Variants in CLTCL1 observed in about 807,000 individuals in gnomAD.
CLTCL1 encodes the protein clathrin heavy chain 2.
A neutral mutation model predicts 190.0 loss-of-function variants in CLTCL1; 159 were observed. The observed-to-expected ratio is 0.84, with a 90% CI of 0.74 to 0.95. CLTCL1 has a LOEUF of 0.95. Among genes scored for constraint, CLTCL1 ranks in the 40% least tolerant of loss-of-function variants. The pLI, the probability that CLTCL1 is intolerant of heterozygous loss-of-function variation, is 0.00. For missense variants in CLTCL1, 1,878 were observed against 2,033.4 expected, an observed-to-expected ratio of 0.92 and a Z score of 1.47; for synonymous variants, 752 against 769.6, an observed-to-expected ratio of 0.98 and a Z score of 0.38.
chr22:19,215,999 G>T, intron 19 of CLTCL1, 112 bp downstream of exon 19: 1 of 1,015,056 alleles, frequency 9.9e-7, no homozygotes, highest in Non-Finnish European at 1.4e-6. Context: ...CTGGGGAGCA[G>T]CCAATGGGCA....
chr22:19,254,200 ATAT>A lies in CLTCL1; in HGVS notation c.275_277del (p.Asn92del). On this transcript the variant is annotated inframe_deletion, in exon 3 of 33. Coordinates refer to ENST00000427926, the MANE Select transcript of CLTCL1 (RefSeq NM_007098.4). ...AGCCTTCATTTTACTCTTCATCTCA[ATAT>A]TAAAGATCTGAAGTGTCTTCCCAGC... is the stretch of plus-strand genomic sequence containing the variant. 1 of 1,613,274 alleles carries A rather than the reference ATAT, an allele frequency of 6.2e-7. No homozygotes were observed. The highest frequency in any genetic ancestry group is 1.1e-5 in the South Asian group (1 of 91,066).
At chr22:19,184,619 C>T (rs1555927460) in intron 29 of CLTCL1, 2 of 453,458 alleles carry the variant, frequency 4.4e-6, no homozygotes, top group Non-Finnish European at 8.9e-6. Flanking sequence ...GTGACGCCCG[C>T]TCATCTGTCT....
Position 19,221,441 on chromosome 22 carries a change from T to C in CLTCL1, c.2732A>G (p.Lys911Arg). ...DSSVVGRYCE[K>R]RDPHLACVAY... ...AACACAGGCCAGATGGGGGTCTCGCTTCTCACAGTAGCGGCCCACCACGCT... is the reference window on the plus strand; with the variant it reads ...AACACAGGCCAGATGGGGGTCTCGCCTCTCACAGTAGCGGCCCACCACGCT... Residue 911 changes from lysine to arginine, a missense_variant, in exon 17 of 33, where the codon AAG becomes AGG. Physicochemically the swap from Lys to Arg is conservative, Grantham distance 26. Coordinates refer to ENST00000427926, the MANE Select transcript of CLTCL1 (RefSeq NM_007098.4). The C allele has an allele frequency of 1.9e-6, 3 of 1,572,534 alleles. No individual in the cohort carries two copies. In the South Asian group the frequency reaches 3.5e-5, roughly 18 times the overall value.
intron 11 of CLTCL1, among the ~76,000 whole-genome samples, chr22:19,227,191 C>G (rs1352948839): frequency 6.6e-6 from 1 of 151,630 alleles, no homozygotes; most frequent in African/African-American, 2.4e-5. Flanking sequence ...GACTTCTCTA[C>G]TAGGCTAAAT....
intron 3 of CLTCL1, among the ~76,000 whole-genome samples, chr22:19,245,493 C>A (rs1165134405): frequency 5.9e-5 from 9 of 151,932 alleles, no homozygotes; most frequent in Admixed American, 3.9e-4. Flanking sequence ...CACCTGGCTT[C>A]CCCTCCCCTT....
At chr22:19,275,530 C>T (rs782120651) in intron 2 of CLTCL1, 93 bp downstream of exon 2, 11 of 1,313,256 alleles carry the variant, frequency 8.4e-6, no homozygotes, top group Admixed American at 4.1e-5. Flanking sequence ...AGGAGCACTT[C>T]GCCATGAGCT....
In CLTCL1 at chr22:19,180,735, C is replaced by T. The variant is rs781786270; in HGVS notation, c.4899G>A (p.Val1633=). 9 of 1,613,736 alleles carry T rather than the reference C, an allele frequency of 5.6e-6. No individual in the cohort carries two copies. In the Admixed American group the frequency reaches 1.3e-4, roughly 24 times the overall value. The change falls in exon 31 of 33, where the codon GTG becomes GTA. Residue 1633 remains valine, a synonymous_variant. Coordinates refer to ENST00000427926, the MANE Select transcript of CLTCL1 (RefSeq NM_007098.4). ...GGGGCTACAGGTGCCACCTACCAAA[C>T]ACGAGAGGGGCAGGCTCTGTCACAT... ...EEHVTEPAPL[V]FDFDGHE is the part of the protein sequence containing the mutation.
At chr22:19,222,230 C>T in intron 15 of CLTCL1, 137 bp from the exon 16 acceptor site, 1 of 818,744 alleles carries the variant, frequency 1.2e-6, no homozygotes, top group Non-Finnish European at 2.0e-6. Flanking sequence ...CCAAAATTCA[C>T]CTGCTGATGT....
Position 19,216,196 on chromosome 22 carries a change from C to G in CLTCL1, c.2980G>C (p.Ala994Pro). 1 of 1,613,752 alleles carries G rather than the reference C, an allele frequency of 6.2e-7. No homozygotes were observed. Among genetic ancestry groups the G allele is most frequent in the South Asian group, 1.1e-5 (1 of 91,084 alleles). ...DPEEISVTVK[A>P]FMTADLPNEL... ...TTAGGCAGGTCGGCTGTCATAAAGG[C>G]TTTGACAGTGACCGAAATCTCTTCA... Residue 994 changes from alanine (A) to proline (P), a missense_variant, in exon 19 of 33, where the codon GCC becomes CCC. By Grantham distance (27) the Ala-to-Pro change is conservative. Coordinates refer to ENST00000427926, the MANE Select transcript of CLTCL1 (RefSeq NM_007098.4).
At chr22:19,223,068 T>G (rs1218647855) in intron 14 of CLTCL1, among the ~76,000 whole-genome samples, 1 of 152,174 alleles carries the variant, frequency 6.6e-6, no homozygotes, top group Non-Finnish European at 1.5e-5. Context: ...AAAATATCTT[T>G]TAAGACAAGC....
intron 23 of CLTCL1, among the ~76,000 whole-genome samples, chr22:19,200,426 A>G (rs1327096304): frequency 6.6e-6 from 1 of 152,280 alleles, no homozygotes; most frequent in Non-Finnish European, 1.5e-5. Context: ...ACATAAACAC[A>G]GTGGAATTAC....
intron 2 of CLTCL1, among the ~76,000 whole-genome samples, chr22:19,273,019 A>G (rs898056380): frequency 1.9e-4 from 29 of 152,276 alleles, no homozygotes; most frequent in African/African-American, 7.0e-4. Context: ...CCAAAATGGG[A>G]AAAATCTGTG....
chr22:19,230,146 G>C (rs1351117818), intron 10 of CLTCL1, among the ~76,000 whole-genome samples, 171 bp from the exon 11 acceptor site: 3 of 141,100 alleles, frequency 2.1e-5, no homozygotes, highest in Admixed American at 1.5e-4. Context: ...ACCCAGGCTA[G>C]ACTGCAAAGG....
In CLTCL1 at chr22:19,236,969, A is replaced by G. The variant is rs114939537; in HGVS notation, c.796-1100T>C. ...GGGTCAAAGATTTTAAATAAAAAAC[A>G]AGGACAATTAGGATAGGAATGAAAG... On this transcript the variant is annotated intron_variant, in intron 5 of 32. Transcript: ENST00000427926. 5.7e-3 allele frequency among the ~76,000 whole-genome samples: 862 copies of G among 152,288 alleles called. 11 individuals carry two copies. Among genetic ancestry groups the G allele is most frequent in the African/African-American group, 0.019 (775 of 41,544 alleles).
intron 29 of CLTCL1, among the ~76,000 whole-genome samples, chr22:19,185,913 C>T (rs1318056705): frequency 5.9e-5 from 9 of 152,224 alleles, no homozygotes; most frequent in African/African-American, 9.6e-5. Flanking sequence ...CCTCCAGGTG[C>T]GGTCTCAGAG....
chr22:19,280,953 G>A (rs1230593658), intron 1 of CLTCL1, among the ~76,000 whole-genome samples: 1 of 151,676 alleles, frequency 6.6e-6, no homozygotes. Flanking sequence ...GTGTGAATGG[G>A]GAGTCATTTC....
At chr22:19,232,441 G>C in intron 10 of CLTCL1, 35 bp downstream of exon 10, 2 of 1,613,044 alleles carry the variant, frequency 1.2e-6, no homozygotes, top group Non-Finnish European at 8.5e-7. Flanking sequence ...GCTCTAAAAA[G>C]CCACAAAAAG....
chr22:19,222,184 T>C, intron 15 of CLTCL1, 91 bp from the exon 16 acceptor site: 2 of 1,340,754 alleles, frequency 1.5e-6, no homozygotes. Flanking sequence ...GGCAAAACCC[T>C]GAAAGGGCTC....
chr22:19,203,788 A>G (rs569229309), intron 22 of CLTCL1, among the ~76,000 whole-genome samples: 1 of 152,114 alleles, frequency 6.6e-6, no homozygotes, highest in Non-Finnish European at 1.5e-5. Flanking sequence ...AGCTGGACAG[A>G]TCCACATGGC....
Sources: gnomAD v4.1 joint callset for allele counts (sites outside exome capture counted in the v4.1 genomes callset) on GRCh38, gnomAD v4.1.1 for gene constraint, MANE v1.5 for transcripts, NCBI Gene and HGNC (gene_info 2026-07-23, HGNC 2026-07-21) for gene names.